The following PTCSC3 variants were observed in gnomAD, a reference collection of about 807,000 sequenced individuals.
PTCSC3 encodes papillary thyroid carcinoma susceptibility candidate 3.
chr14:36,154,301 G>T (rs1046590982), intron 2 of PTCSC3, among the ~76,000 whole-genome samples: 2 of 151,988 alleles, frequency 1.3e-5, no homozygotes, highest in African/African-American at 4.8e-5. Flanking sequence ...TAATGAAGCT[G>T]TTAACTTATG....
intron 3 of PTCSC3, among the ~76,000 whole-genome samples, chr14:36,145,554 T>C (rs1881542862): frequency 7.0e-6 from 1 of 142,468 alleles, no homozygotes; most frequent in Non-Finnish European, 1.5e-5. Flanking sequence ...TCTCTCTTTT[T>C]TTCTTTATTA....
intron 3 of PTCSC3, chr14:36,153,746 A>G (rs1881772049): frequency 6.6e-6 from 1 of 152,218 alleles, no homozygotes; most frequent in African/African-American, 2.4e-5. Context: ...AAATCTTGTT[A>G]TATTTGTACA....
At position 36,171,815 on chromosome 14, in the gene PTCSC3, C is replaced by T. The variant is rs529412027; in HGVS notation, n.171+4483G>A. Among the ~76,000 whole-genome samples the T allele has an allele frequency of 1.6e-4, 25 of 152,240 alleles. No homozygotes were observed. The East Asian group carries it at 1.7e-3, about 11-fold the overall frequency. On this transcript the variant is annotated intron_variant and non_coding_transcript_variant, in intron 1 of 3. Transcript: ENST00000556013. ...GTGGGAGGGGATACTTAGAGATCTACTGACCTTCTCCCTCAATAAGCTCTT... is the reference window on the plus strand; with the variant it reads ...GTGGGAGGGGATACTTAGAGATCTATTGACCTTCTCCCTCAATAAGCTCTT...
intron 2 of PTCSC3, among the ~76,000 whole-genome samples, chr14:36,161,839 A>G (rs1881962645): frequency 1.3e-5 from 2 of 152,098 alleles, no homozygotes; most frequent in Admixed American, 1.3e-4. Context: ...CCCTTCCCCC[A>G]CGTGCCCTGT....
chr14:36,139,756 C>T (rs1881376442), intron 3 of PTCSC3, among the ~76,000 whole-genome samples: 2 of 152,164 alleles, frequency 1.3e-5, no homozygotes, highest in African/African-American at 4.8e-5. Flanking sequence ...CTCCCTTCCC[C>T]ACAGTTTCCC....
chr14:36,159,407 C>A (rs534017186), intron 2 of PTCSC3, among the ~76,000 whole-genome samples: 2 of 152,182 alleles, frequency 1.3e-5, no homozygotes, highest in East Asian at 3.9e-4. Context: ...TCCCTCTTAA[C>A]ACTGTTTTAG....
intron 2 of PTCSC3, among the ~76,000 whole-genome samples, chr14:36,159,160 C>G (rs1169140): frequency 0.64 from 95,159 of 148,688 alleles, 30,727 homozygotes; most frequent in Middle Eastern, 0.7. Flanking sequence ...AGTCTGGCTA[C>G]TGGTCTATTT....
chr14:36,151,222 A>C (rs1048381550), intron 3 of PTCSC3, among the ~76,000 whole-genome samples: 7 of 151,888 alleles, frequency 4.6e-5, no homozygotes, highest in African/African-American at 1.5e-4. Flanking sequence ...TCTTGCTTGC[A>C]TGGTTTCTGA....
chr14:36,144,225 G>C (rs28832993), intron 3 of PTCSC3, among the ~76,000 whole-genome samples: 1 of 145,266 alleles, frequency 6.9e-6, no homozygotes, highest in South Asian at 2.3e-4. Context: ...TGGGGATGGC[G>C]TTGAATCTGT....
At chr14:36,154,066 C>CA (rs1881778421) in intron 2 of PTCSC3, among the ~76,000 whole-genome samples, 30 of 78,298 alleles carry the variant, frequency 3.8e-4, no homozygotes, top group East Asian at 9.3e-4. Flanking sequence ...GACCCTGTCT[C>CA]GAAAAAAAAA....
intron 2 of PTCSC3, among the ~76,000 whole-genome samples, chr14:36,161,836 C>T (rs948025778): frequency 6.6e-6 from 1 of 152,192 alleles, no homozygotes; most frequent in African/African-American, 2.4e-5. Flanking sequence ...CACCCCTTCC[C>T]CCACGTGCCC....
intron 3 of PTCSC3, among the ~76,000 whole-genome samples, chr14:36,150,463 T>A (rs1881695443): frequency 6.6e-6 from 1 of 152,180 alleles, no homozygotes; most frequent in Non-Finnish European, 1.5e-5. Context: ...TCCAGAACAG[T>A]AAGAAATAAA....
chr14:36,170,241 C>CATTTTT (rs1409089532), intron 1 of PTCSC3, among the ~76,000 whole-genome samples: 2 of 151,768 alleles, frequency 1.3e-5, no homozygotes, highest in African/African-American at 4.8e-5. Context: ...CCCATGTTCG[C>CATTTTT]ATTATTTCTT....
At chr14:36,171,244 A>C (rs1566512043) in intron 1 of PTCSC3, among the ~76,000 whole-genome samples, 1 of 152,078 alleles carries the variant, frequency 6.6e-6, no homozygotes. Context: ...CTGAGGTCTA[A>C]TGGTGATTGA....
At chr14:36,148,666 A>G (rs1047763815) in intron 3 of PTCSC3, among the ~76,000 whole-genome samples, 2 of 152,298 alleles carry the variant, frequency 1.3e-5, no homozygotes, top group South Asian at 2.1e-4. Flanking sequence ...AGCTGTTCCT[A>G]TTCGGCCATC....
chr14:36,152,115 T>C (rs1351371195), intron 3 of PTCSC3, among the ~76,000 whole-genome samples: 1 of 152,156 alleles, frequency 6.6e-6, no homozygotes, highest in Non-Finnish European at 1.5e-5. Flanking sequence ...ATCATAAGTC[T>C]TCTCTGTGGA....
chr14:36,137,261 C>T (rs771214809), intron 3 of PTCSC3, among the ~76,000 whole-genome samples: 10 of 128,460 alleles, frequency 7.8e-5, no homozygotes, highest in Non-Finnish European at 1.8e-4. Context: ...ATTTTAGGTA[C>T]AACAACGAGG....
chr14:36,152,268 A>G (rs1881740365), intron 3 of PTCSC3, among the ~76,000 whole-genome samples: 1 of 152,170 alleles, frequency 6.6e-6, no homozygotes, highest in East Asian at 1.9e-4. Context: ...CTTTATTAAA[A>G]TAAAAAAAAA....
intron 3 of PTCSC3, among the ~76,000 whole-genome samples, chr14:36,138,739 T>C (rs1190625074): frequency 6.6e-6 from 1 of 152,204 alleles, no homozygotes; most frequent in Non-Finnish European, 1.5e-5. Flanking sequence ...ATATAACTAC[T>C]TTGAAAAACA....
Sources: allele counts gnomAD v4.1 joint callset (sites outside exome capture counted in the v4.1 genomes callset), GRCh38; gene constraint gnomAD v4.1.1; transcripts MANE v1.5; gene names NCBI Gene and HGNC (gene_info 2026-07-23, HGNC 2026-07-21).